The following SIK2 variants were observed in gnomAD, a reference collection of about 807,000 sequenced individuals.
SIK2 encodes the protein serine/threonine-protein kinase SIK2.
In SIK2, 29 loss-of-function variants were observed where a neutral mutation model predicts 103.2. The observed-to-expected ratio is 0.28, with a 90% CI of 0.21 to 0.38. The LOEUF (loss-of-function observed/expected upper bound fraction) is 0.38. SIK2 is among the 10% of genes least tolerant of loss of function. The probability of loss-of-function intolerance (pLI) is 1.00; values close to 1 mark genes in which losing one functional copy is unlikely to be tolerated. For synonymous variants in SIK2, 412 were observed against 446.1 expected (o/e 0.92, Z 0.96); for missense variants, 879 against 1,171.0 (o/e 0.75, Z 3.64).
chr11:111,722,819 T>G lies in SIK2; in HGVS notation c.2147+63T>G. ...TTCTGGAAGCCTTGAGAACACTGAA[T>G]GTGTTGTCCTTTTCCTCTCACATTC... On this transcript the variant is annotated intron_variant, in intron 14 of 14. Transcript: ENST00000304987. The surrounding 1 kb of genome is among the most constrained non-coding windows in gnomAD (Gnocchi z 4.4). 1 of 1,451,604 alleles carries G rather than the reference T, an allele frequency of 6.9e-7. No individual in the cohort carries two copies. The highest frequency in any genetic ancestry group is 9.6e-7 in the Non-Finnish European group (1 of 1,042,090). The allele number at this position is 1,451,604 out of a possible 1,614,324, so 89.9% of individuals were successfully genotyped here. A position where few individuals can be genotyped will look rare whatever the true frequency, so the allele number is the denominator to read the frequency against.
intron 3 of SIK2, among the ~76,000 whole-genome samples, chr11:111,632,395 A>C (rs970229305): frequency 6.6e-6 from 1 of 152,166 alleles, no homozygotes; most frequent in African/African-American, 2.4e-5. Context: ...CAGGATCCTT[A>C]ACAAGGTCAT....
chr11:111,615,512 G>A (rs1326518901), intron 1 of SIK2, among the ~76,000 whole-genome samples: 1 of 151,646 alleles, frequency 6.6e-6, no homozygotes, highest in Admixed American at 6.6e-5. Flanking sequence ...CTTTTTAATT[G>A]CATGAAAAAA....
chr11:111,625,639 G>A (rs1214258472), intron 3 of SIK2, among the ~76,000 whole-genome samples: 1 of 152,186 alleles, frequency 6.6e-6, no homozygotes, highest in East Asian at 1.9e-4. Flanking sequence ...CAAAAATGAT[G>A]AGGAATGACA....
rs1943981414 is a variant in SIK2, at chr11:111,726,769, G to A, written c.*2640G>A. ...TCTTTTTCTGCGGGGCTACTCTGAA[G>A]TACTGACTTGCTTTCCAGTCTGATT... is the stretch of plus-strand genomic sequence containing the variant. On this transcript the variant is annotated 3_prime_UTR_variant, in exon 15 of 15. Coordinates refer to ENST00000304987, the MANE Select transcript of SIK2 (RefSeq NM_015191.3). 4 of 594,138 alleles carry A rather than the reference G, an allele frequency of 6.7e-6. No homozygotes were observed. The highest frequency in any genetic ancestry group is 5.6e-5 in the African/African-American group (3 of 53,802). 36.8% of individuals were successfully genotyped at this position (594,138 alleles called of 1,614,324 possible). A position where few individuals can be genotyped will look rare whatever the true frequency, so the allele number is the denominator to read the frequency against.
chr11:111,624,886 G>A (rs935905902), intron 3 of SIK2, among the ~76,000 whole-genome samples: 1 of 152,086 alleles, frequency 6.6e-6, no homozygotes, highest in African/African-American at 2.4e-5. Flanking sequence ...GCTGGCATTT[G>A]AGCACAGACT....
intron 1 of SIK2, among the ~76,000 whole-genome samples, chr11:111,609,598 A>T (rs2135829835): frequency 6.6e-6 from 1 of 152,390 alleles, no homozygotes; most frequent in South Asian, 2.1e-4. Flanking sequence ...CTGGGATTAC[A>T]GGCATAAGCC....
chr11:111,652,918 A>G (rs1032550381), intron 3 of SIK2, among the ~76,000 whole-genome samples: 1 of 152,250 alleles, frequency 6.6e-6, no homozygotes, highest in African/African-American at 2.4e-5. Flanking sequence ...CTTAACCATT[A>G]TAATGGTGTT....
rs574132260 is a variant in SIK2, at chr11:111,712,853, A to G, written c.1266+478A>G. 1.6e-3 allele frequency among the ~76,000 whole-genome samples: 247 copies of G among 152,282 alleles called. 1 individual carries two copies. Among genetic ancestry groups the G allele is most frequent in the African/African-American group, 5.4e-3 (226 of 41,560 alleles). ...TCAGTTATACATGTGTTTTTGTCCAATTTGGAAATGTTTAAAAGTTAATGT... is the reference window on the plus strand; with the variant it reads ...TCAGTTATACATGTGTTTTTGTCCAGTTTGGAAATGTTTAAAAGTTAATGT... On this transcript the variant is annotated intron_variant, in intron 9 of 14. Transcript: ENST00000304987.
At chr11:111,696,971 T>C (rs1943086672) in intron 4 of SIK2, among the ~76,000 whole-genome samples, 1 of 152,224 alleles carries the variant, frequency 6.6e-6, no homozygotes, top group Non-Finnish European at 1.5e-5. Context: ...CAGATTCCTG[T>C]GAAGAAATTA....
At position 111,719,930 on chromosome 11, in the gene SIK2, G is replaced by C; in HGVS notation, c.1422G>C (p.Gln474His). Residue 474 changes from glutamine to histidine, a missense_variant, in exon 10 of 15, where the codon CAG (glutamine) becomes CAC (histidine). Coordinates refer to ENST00000304987, the MANE Select transcript of SIK2 (RefSeq NM_015191.3). ...CCGCTCATGCCTTTGAGGCATTTCAGTCCACACGCAGCGGGCAGAGACGGC... is the reference window on the plus strand; with the variant it reads ...CCGCTCATGCCTTTGAGGCATTTCACTCCACACGCAGCGGGCAGAGACGGC... ...EDPAHAFEAF[Q>H]STRSGQRRHT... 1.2e-6 allele frequency: 2 copies of C among 1,614,196 alleles called. No individual in the cohort carries two copies. The highest frequency in any genetic ancestry group is 1.7e-6 in the Non-Finnish European group (2 of 1,180,034).
intron 3 of SIK2, 80 bp from the exon 4 acceptor site, chr11:111,687,921 G>C: frequency 1.3e-6 from 2 of 1,529,544 alleles, no homozygotes; most frequent in Non-Finnish European, 8.8e-7. Flanking sequence ...AAAACTTTTT[G>C]AGGAAAAAAA....
chr11:111,652,303 GT>G (rs1156492863), intron 3 of SIK2, among the ~76,000 whole-genome samples: 1 of 152,156 alleles, frequency 6.6e-6, no homozygotes, highest in East Asian at 1.9e-4. Context: ...TTGCTTCTGA[GT>G]TTTTAGCCAT....
chr11:111,624,744 T>A (rs955890546), intron 3 of SIK2, among the ~76,000 whole-genome samples: 1 of 151,970 alleles, frequency 6.6e-6, no homozygotes, highest in African/African-American at 2.4e-5. Flanking sequence ...GCTATGTAAA[T>A]AATAAAGCAA....
chr11:111,708,490 C>T (rs1328541235), intron 8 of SIK2, among the ~76,000 whole-genome samples: 3 of 152,122 alleles, frequency 2.0e-5, no homozygotes, highest in African/African-American at 7.2e-5. Context: ...GTATAACATG[C>T]AGGAAGTATT....
At chr11:111,651,689 T>C (rs1942328581) in intron 3 of SIK2, among the ~76,000 whole-genome samples, 1 of 152,098 alleles carries the variant, frequency 6.6e-6, no homozygotes, top group Non-Finnish European at 1.5e-5. Context: ...AACTTAATAA[T>C]ATGCTTACAC....
chr11:111,699,060 G>A (rs1943149239), intron 4 of SIK2, among the ~76,000 whole-genome samples: 2 of 152,316 alleles, frequency 1.3e-5, no homozygotes, highest in Non-Finnish European at 2.9e-5. Context: ...GAGATATGAT[G>A]TTCTAGGAGT....
rs1217289929 is a variant in SIK2, at chr11:111,722,870, T to G, written c.2147+114T>G. 1.1e-6 allele frequency: 1 copy of G among 946,308 alleles called. No individual in the cohort carries two copies. The highest frequency in any genetic ancestry group is 2.5e-5 in the East Asian group (1 of 39,876). The allele number at this position is 946,308 out of a possible 1,614,324, so 58.6% of individuals were successfully genotyped here. On this transcript the variant is annotated intron_variant, in intron 14 of 14. Transcript: ENST00000304987. This position sits in a 1 kb window ranked among gnomAD's most constrained non-coding sequence, Gnocchi z 4.4. ...GCCACTACTAGGAAAATAGGTTTTC[T>G]GCGTGTGTCACAGGCCCTCTGAGCA...
chr11:111,706,450 T>C (rs924304037), intron 8 of SIK2, among the ~76,000 whole-genome samples: 9 of 152,138 alleles, frequency 5.9e-5, no homozygotes, highest in Admixed American at 2.0e-4. Context: ...GTATGCTCCA[T>C]TGACTTTCCT....
intron 3 of SIK2, among the ~76,000 whole-genome samples, chr11:111,653,706 T>G (rs1435455848): frequency 2.0e-5 from 3 of 152,194 alleles, no homozygotes; most frequent in Admixed American, 6.5e-5. Context: ...GGACGGAGAT[T>G]TATGCCAAAG....
Sources: gnomAD v4.1 joint callset for allele counts (sites outside exome capture counted in the v4.1 genomes callset) on GRCh38, gnomAD v4.1.1 for gene constraint, Gnocchi (gnomAD v3.1) non-coding constraint, MANE v1.5 for transcripts, NCBI Gene and HGNC (gene_info 2026-07-23, HGNC 2026-07-21) for gene names.